The following ANKRD44 variants were observed in gnomAD, a reference collection of about 807,000 sequenced individuals.
ANKRD44 encodes serine/threonine-protein phosphatase 6 regulatory ankyrin repeat subunit B.
A neutral mutation model predicts 116.0 loss-of-function variants in ANKRD44; 35 were observed. The observed-to-expected ratio is 0.30, with a 90% CI of 0.23 to 0.40. The LOEUF (loss-of-function observed/expected upper bound fraction) is 0.40, where lower values mean the gene tolerates loss of function less well. Ranked by LOEUF, ANKRD44 falls within the 10% of genes least tolerant of loss-of-function variation. The pLI is 1.00. For missense variants in ANKRD44, 1,014 were observed against 1,242.6 expected (o/e 0.82, Z 2.77); for synonymous variants, 435 against 461.8 (o/e 0.94, Z 0.74).
chr2:197,082,298 C>T (rs546325628), intron 14 of ANKRD44, among the ~76,000 whole-genome samples: 1 of 152,142 alleles, frequency 6.6e-6, no homozygotes, highest in Non-Finnish European at 1.5e-5. Flanking sequence ...CTGTTTATAA[C>T]CTGCATGCCT....
At chr2:197,202,611 C>T (rs999898019) in intron 1 of ANKRD44, among the ~76,000 whole-genome samples, 3 of 150,034 alleles carry the variant, frequency 2.0e-5, no homozygotes, top group African/African-American at 7.6e-5. Flanking sequence ...CTTGCTCTGT[C>T]CCCCAGGCTG....
intron 11 of ANKRD44, among the ~76,000 whole-genome samples, chr2:197,089,733 C>A (rs2078000673): frequency 6.6e-6 from 1 of 152,198 alleles, no homozygotes; most frequent in Non-Finnish European, 1.5e-5. Flanking sequence ...ACAGGCAAGA[C>A]TCTCATTCTG....
intron 4 of ANKRD44, among the ~76,000 whole-genome samples, chr2:197,133,158 T>C (rs2079132002): frequency 6.6e-6 from 1 of 152,214 alleles, no homozygotes; most frequent in East Asian, 1.9e-4. Flanking sequence ...AGTGCCTGGC[T>C]TGATGCTTCT....
At chr2:197,034,537 T>C (rs2076773280) in intron 16 of ANKRD44, among the ~76,000 whole-genome samples, 2 of 149,822 alleles carry the variant, frequency 1.3e-5, no homozygotes, top group Admixed American at 6.7e-5. Context: ...CTTGGTCCTC[T>C]GCCTAAAAAA....
intron 17 of ANKRD44, among the ~76,000 whole-genome samples, chr2:197,016,420 C>T (rs892725041): frequency 6.9e-5 from 4 of 57,654 alleles, no homozygotes; most frequent in African/African-American, 2.6e-4. Flanking sequence ...CATTTTTCTA[C>T]ATTTTAATAC....
At chr2:197,007,725 G>A (rs2076225319) in intron 20 of ANKRD44, 81 bp downstream of exon 20, 2 of 902,948 alleles carry the variant, frequency 2.2e-6, no homozygotes, top group Non-Finnish European at 3.6e-6. Context: ...ATCAAAGTAG[G>A]CCCTTTGTAA....
intron 21 of ANKRD44, among the ~76,000 whole-genome samples, chr2:196,979,265 C>A (rs1032514423): frequency 3.3e-5 from 5 of 151,622 alleles, no homozygotes; most frequent in Admixed American, 6.6e-5. Context: ...CACCTGTAGT[C>A]CCAGCTACTC....
At chr2:196,970,600 CA>C (rs1346361822) in intron 21 of ANKRD44, among the ~76,000 whole-genome samples, 1 of 152,126 alleles carries the variant, frequency 6.6e-6, no homozygotes, top group Non-Finnish European at 1.5e-5. Flanking sequence ...CCCACCCCCC[CA>C]ATCCTTATTT....
At chr2:197,038,566 A>C (rs2076850001) in intron 16 of ANKRD44, among the ~76,000 whole-genome samples, 1 of 152,210 alleles carries the variant, frequency 6.6e-6, no homozygotes, top group South Asian at 2.1e-4. Context: ...GAAGTAAAGA[A>C]GATTCATCAA....
rs1332692696 is a variant in ANKRD44, at chr2:197,212,035, C to A, written c.28-24929G>T. ...CCCTTCACTGAGCCTCTCTCTCTCT[C>A]TCAGTCTCTCTCTCTCTCACACACA... On this transcript the variant is annotated intron_variant, in intron 1 of 27. Coordinates refer to ENST00000282272, the MANE Select transcript of ANKRD44 (RefSeq NM_001195144.2). The surrounding 1 kb of genome is among the most constrained non-coding windows in gnomAD (Gnocchi z 4.8). Among the ~76,000 whole-genome samples the A allele has an allele frequency of 9.4e-6, 1 of 106,350 alleles. No homozygotes were observed. Among genetic ancestry groups the A allele is most frequent in the Non-Finnish European group, 2.0e-5 (1 of 50,050 alleles). 69.8% of individuals were successfully genotyped at this position (106,350 alleles called of 152,430 possible). A position where few individuals can be genotyped will look rare whatever the true frequency, so the allele number is the denominator to read the frequency against.
At chr2:197,144,572 T>A (rs1372027702) in intron 3 of ANKRD44, among the ~76,000 whole-genome samples, 1 of 152,196 alleles carries the variant, frequency 6.6e-6, no homozygotes, top group African/African-American at 2.4e-5. Flanking sequence ...ACTTTCCCAA[T>A]GCTCCCCATG....
intron 1 of ANKRD44, among the ~76,000 whole-genome samples, chr2:197,194,683 CTCTA>C (rs1309991929): frequency 2.6e-5 from 4 of 152,176 alleles, no homozygotes; most frequent in Admixed American, 2.0e-4. Flanking sequence ...GATACATTCT[CTCTA>C]TACGTATGCA....
intron 3 of ANKRD44, among the ~76,000 whole-genome samples, chr2:197,139,458 T>C (rs2079302577): frequency 6.6e-6 from 1 of 152,202 alleles, no homozygotes; most frequent in Admixed American, 6.5e-5. Flanking sequence ...CTATATGTTG[T>C]TTATGGATGC....
At chr2:197,294,962 A>G (rs2083675479) in intron 1 of ANKRD44, among the ~76,000 whole-genome samples, 1 of 152,196 alleles carries the variant, frequency 6.6e-6, no homozygotes, top group African/African-American at 2.4e-5. Context: ...GAGTTTAAAA[A>G]TCCTATAGAA....
intron 1 of ANKRD44, among the ~76,000 whole-genome samples, chr2:197,237,455 G>A (rs989203023): frequency 2.0e-5 from 3 of 152,182 alleles, no homozygotes; most frequent in Admixed American, 2.0e-4. Context: ...CTACACTGCT[G>A]AACTCCTTCT....
At chr2:197,034,048 G>A (rs2076758770) in intron 16 of ANKRD44, among the ~76,000 whole-genome samples, 1 of 139,276 alleles carries the variant, frequency 7.2e-6, no homozygotes, top group East Asian at 2.1e-4. Context: ...GCATATGAGG[G>A]CTAGAGAGAG....
intron 25 of ANKRD44, among the ~76,000 whole-genome samples, chr2:196,997,648 C>T (rs1331131374): frequency 6.6e-6 from 1 of 151,818 alleles, no homozygotes; most frequent in African/African-American, 2.4e-5. Flanking sequence ...AGGGTTTCTC[C>T]ATTATGGTCA....
chr2:196,983,152 T>C (rs551649978), downstream of ANKRD44, among the ~76,000 whole-genome samples: 356 of 151,652 alleles, frequency 2.3e-3, 2 homozygotes, highest in Non-Finnish European at 4.4e-3. Flanking sequence ...ATGTAACAAT[T>C]CTGTATGTTC....
chr2:197,263,440 C>A, intron 1 of ANKRD44: 1 of 562,732 alleles, frequency 1.8e-6, no homozygotes. Flanking sequence ...TCTGAAACAA[C>A]AGCTCTTCTC....
Sources: gnomAD v4.1 joint callset for allele counts (sites outside exome capture counted in the v4.1 genomes callset) on GRCh38, gnomAD v4.1.1 for gene constraint, Gnocchi (gnomAD v3.1) non-coding constraint, MANE v1.5 for transcripts, NCBI Gene and HGNC (gene_info 2026-07-23, HGNC 2026-07-21) for gene names.